The following GPAT4 variants were observed in gnomAD, a reference collection of about 807,000 sequenced individuals.
GPAT4 encodes the protein glycerol-3-phosphate acyltransferase 4.
In GPAT4, 17 loss-of-function variants were observed where a neutral mutation model predicts 58.0. The observed-to-expected ratio is 0.29, with a 90% CI of 0.20 to 0.44. The LOEUF (loss-of-function observed/expected upper bound fraction) is 0.44. Among genes scored for constraint, GPAT4 ranks in the 20% least tolerant of loss-of-function variants. The pLI, the probability that GPAT4 is intolerant of heterozygous loss-of-function variation, is 1.00. For missense variants in GPAT4, 377 were observed against 574.5 expected (o/e 0.66, Z 3.51); for synonymous variants, 204 against 210.1 (o/e 0.97, Z 0.25).
At position 41,620,878 on chromosome 8, in the gene GPAT4, C is replaced by G. The variant is rs1266208500; in HGVS notation, c.1263-15C>G. The G allele has an allele frequency of 3.2e-6, 5 of 1,550,184 alleles. 1 individual carries two copies. Among genetic ancestry groups the G allele is most frequent in the African/African-American group, 2.7e-5 (2 of 73,076 alleles). ...CCCTCTTGGCTGTTACTACATCCAG[C>G]CTTTGTCTCTCCAGGGATGGGGGCC... On this transcript the variant is annotated splice_polypyrimidine_tract_variant and intron_variant, in intron 12 of 12. Coordinates refer to ENST00000396987, the MANE Select transcript of GPAT4 (RefSeq NM_178819.4).
chr8:41,583,290 A>G (rs948481793), intron 1 of GPAT4, among the ~76,000 whole-genome samples: 4 of 152,022 alleles, frequency 2.6e-5, no homozygotes, highest in Non-Finnish European at 1.5e-5. Flanking sequence ...TTGCTATTGA[A>G]TACTGGAACT....
chr8:41,603,213 G>A (rs993223085), intron 2 of GPAT4, among the ~76,000 whole-genome samples: 2 of 152,040 alleles, frequency 1.3e-5, no homozygotes, highest in African/African-American at 2.4e-5. Context: ...CATTTAAATC[G>A]CCTGGGGAGG....
At chr8:41,594,646 C>T (rs563601862) in intron 1 of GPAT4, among the ~76,000 whole-genome samples, 9 of 151,090 alleles carry the variant, frequency 6.0e-5, no homozygotes, top group East Asian at 3.9e-4. Flanking sequence ...CCCGGGTTCA[C>T]GCCATTCTCC....
chr8:41,597,999 G>T (rs553612881), intron 1 of GPAT4, among the ~76,000 whole-genome samples: 1 of 152,166 alleles, frequency 6.6e-6, no homozygotes, highest in Non-Finnish European at 1.5e-5. Context: ...CATAGCACAC[G>T]CTTTTTATCT....
At chr8:41,618,594 C>T (rs1585678072) in intron 10 of GPAT4, 90 bp from the exon 11 acceptor site, 1 of 1,517,986 alleles carries the variant, frequency 6.6e-7, no homozygotes, top group South Asian at 1.2e-5. Context: ...ACCAGCACGG[C>T]CCAGTGGAGT....
Position 41,611,975 on chromosome 8 carries a change from C to A in GPAT4, c.684C>A (p.Ile228=), listed in dbSNP as rs1390391123. ...TCTGCGTGCGAGCGCTGACAGCCATCATCACCTACCATGACAGGTGAGAGC... is the reference window on the plus strand; with the variant it reads ...TCTGCGTGCGAGCGCTGACAGCCATAATCACCTACCATGACAGGTGAGAGC... ...YRICVRALTA[I]ITYHDRENRP... is the part of the protein sequence containing the mutation. Residue 228 remains isoleucine, a synonymous_variant, in exon 6 of 13, where the codon ATC becomes ATA. Transcript: ENST00000396987. The A allele has an allele frequency of 6.2e-7, 1 of 1,614,060 alleles. No homozygotes were observed. Among genetic ancestry groups the A allele is most frequent in the Non-Finnish European group, 8.5e-7 (1 of 1,180,034 alleles).
intron 1 of GPAT4, among the ~76,000 whole-genome samples, chr8:41,581,133 G>A (rs149831876): frequency 1.4e-4 from 21 of 152,284 alleles, no homozygotes; most frequent in Middle Eastern, 3.4e-3. Flanking sequence ...AATATCATCC[G>A]TTCCATGTAT....
Position 41,611,963 on chromosome 8 carries a change from G to C in GPAT4, c.672G>C (p.Ala224=). ...TGTGTTACCGGATCTGCGTGCGAGCGCTGACAGCCATCATCACCTACCATG... is the reference window on the plus strand; with the variant it reads ...TGTGTTACCGGATCTGCGTGCGAGCCCTGACAGCCATCATCACCTACCATG... ...HLMCYRICVR[A]LTAIITYHDR... Residue 224 remains alanine, a synonymous_variant, in exon 6 of 13, where the codon GCG becomes GCC. Coordinates refer to ENST00000396987, the MANE Select transcript of GPAT4 (RefSeq NM_178819.4). 1 of 1,614,132 alleles carries C rather than the reference G, an allele frequency of 6.2e-7. No individual in the cohort carries two copies.
At chr8:41,617,379 T>C (rs1803626252) in intron 10 of GPAT4, among the ~76,000 whole-genome samples, 1 of 151,928 alleles carries the variant, frequency 6.6e-6, no homozygotes, top group Admixed American at 6.6e-5. Flanking sequence ...TGTATATTAT[T>C]ATATATAAAA....
intron 8 of GPAT4, 80 bp from the exon 9 acceptor site, chr8:41,614,306 A>G (rs936458627): frequency 1.8e-5 from 22 of 1,254,936 alleles, no homozygotes; most frequent in Non-Finnish European, 2.5e-5. Context: ...AGTGTCACAA[A>G]TAAATAGGTT....
chr8:41,613,255 G>A (rs979311381), intron 8 of GPAT4, among the ~76,000 whole-genome samples: 3 of 151,870 alleles, frequency 2.0e-5, no homozygotes, highest in South Asian at 2.1e-4. Flanking sequence ...AATTATTGAC[G>A]GGCATCTGTA....
chr8:41,608,597 T>C (rs1480532988), intron 2 of GPAT4, among the ~76,000 whole-genome samples: 1 of 152,236 alleles, frequency 6.6e-6, no homozygotes, highest in Non-Finnish European at 1.5e-5. Context: ...CTAGGTCTTT[T>C]CCAGAATCTG....
chr8:41,614,289 C>T (rs554734562), intron 8 of GPAT4, 97 bp from the exon 9 acceptor site: 6 of 1,039,662 alleles, frequency 5.8e-6, no homozygotes, highest in Middle Eastern at 2.1e-4. Context: ...TTTTTATAAT[C>T]GAAACTAGTG....
At chr8:41,619,962 T>C (rs1213830607) in intron 12 of GPAT4, among the ~76,000 whole-genome samples, 1 of 152,224 alleles carries the variant, frequency 6.6e-6, no homozygotes, top group Non-Finnish European at 1.5e-5. Flanking sequence ...GTTCCCATTT[T>C]GCAGATGAGA....
intron 10 of GPAT4, among the ~76,000 whole-genome samples, chr8:41,618,356 C>T (rs758534142): frequency 1.3e-5 from 2 of 152,068 alleles, no homozygotes; most frequent in African/African-American, 4.8e-5. Flanking sequence ...TCCTTTTCTC[C>T]CTGGTTTTGG....
chr8:41,619,228 G>A (rs1331279395), intron 12 of GPAT4: 1 of 547,398 alleles, frequency 1.8e-6, no homozygotes, highest in Non-Finnish European at 3.3e-6. Context: ...CAGTCTTCCA[G>A]GACACCTGGA....
rs1270628899 is a variant in GPAT4, at chr8:41,610,721, T to C, written c.537-15T>C. On this transcript the variant is annotated splice_polypyrimidine_tract_variant and intron_variant, in intron 4 of 12. Transcript: ENST00000396987. ...TGATTTGCTGGCTGTGCTCTAACTT[T>C]TCTTCTTCTTACAGGATAGCACTGG... is the stretch of plus-strand genomic sequence containing the variant. 4 of 1,601,636 alleles carry C rather than the reference T, an allele frequency of 2.5e-6. No homozygotes were observed. In the South Asian group the frequency reaches 3.4e-5, roughly 13 times the overall value.
Position 41,582,241 on chromosome 8 carries a change from T to G in GPAT4, c.-849+3963T>G, listed in dbSNP as rs548372958. On this transcript the variant is annotated intron_variant, in intron 1 of 12. Coordinates refer to ENST00000396987, the MANE Select transcript of GPAT4 (RefSeq NM_178819.4). Reference sequence around the variant, plus strand: ...CTGGTCTCGAACTCCTGACCTCAGGTGATCCACCCACCTCAGCCTCCCAAA... The same window carrying G: ...CTGGTCTCGAACTCCTGACCTCAGGGGATCCACCCACCTCAGCCTCCCAAA... Among the ~76,000 whole-genome samples, 88 of 151,672 alleles carry G rather than the reference T, an allele frequency of 5.8e-4. No individual in the cohort carries two copies. The East Asian group carries it at 0.015, about 26-fold the overall frequency.
At position 41,624,715 on chromosome 8, in the gene GPAT4, T is replaced by C. The variant is rs1803863381; in HGVS notation, c.*3714T>C. On this transcript the variant is annotated 3_prime_UTR_variant, in exon 13 of 13. Coordinates refer to ENST00000396987, the MANE Select transcript of GPAT4 (RefSeq NM_178819.4). ...AATATGTCTCTCTCCGATGGGAAAG[T>C]TAATAAATTTTGCTCTAGATTAAAA... The C allele has an allele frequency of 6.6e-6, 1 of 152,200 alleles. No homozygotes were observed. The highest frequency in any genetic ancestry group is 6.5e-5 in the Admixed American group (1 of 15,288). The allele number at this position is 152,200 out of a possible 1,614,324, so 9.4% of individuals were successfully genotyped here.
Sources: allele counts gnomAD v4.1 joint callset (sites outside exome capture counted in the v4.1 genomes callset), GRCh38; gene constraint gnomAD v4.1.1; transcripts MANE v1.5; gene names NCBI Gene and HGNC (gene_info 2026-07-23, HGNC 2026-07-21).